The following BRD1 variants were observed in gnomAD, a reference collection of about 807,000 sequenced individuals.
BRD1 encodes the protein bromodomain containing 1.
BRD1 carries 24 observed loss-of-function variants against 107.7 expected under a neutral mutation model. The ratio of observed to expected loss-of-function variants is 0.22; its 90% CI spans 0.16 to 0.31. The LOEUF (loss-of-function observed/expected upper bound fraction) is 0.31, where lower values mean the gene tolerates loss of function less well. BRD1 is among the 10% of genes least tolerant of loss of function. The pLI is 1.00. For missense variants in BRD1, 1,279 were observed against 1,638.6 expected (o/e 0.78, Z 3.79); for synonymous variants, 744 against 686.1 (o/e 1.08, Z -1.32).
At chr22:49,810,593 T>C (rs1375863364) in intron 2 of BRD1, among the ~76,000 whole-genome samples, 1 of 152,204 alleles carries the variant, frequency 6.6e-6, no homozygotes, top group East Asian at 1.9e-4. Context: ...ATAGGGAGTC[T>C]AGTACCCAGA....
chr22:49,794,190 C>A lies in BRD1; in HGVS notation c.2203G>T (p.Gly735Cys), dbSNP rs764309578. 16 of 1,614,098 alleles carry A rather than the reference C, an allele frequency of 9.9e-6. No individual in the cohort carries two copies. The East Asian group carries it at 3.6e-4, about 36-fold the overall frequency. Reference protein sequence around the residue: ...LDLTCAMKSSGSRSKRAKLLK... With the variant: ...LDLTCAMKSSCSRSKRAKLLK... The stretch of plus-strand genomic sequence containing the variant: ...AGCTTTGCCCGCTTGCTCCGGGAGC[C>A]GCTGGACTTCATAGCGCAGGTGAGG... The change falls in exon 7 of 13, where the codon GGC becomes TGC. Residue 735 changes from glycine (G) to cysteine (C), a missense_variant. Transcript: ENST00000404760.
At chr22:49,807,121 A>T (rs1484707220) in intron 2 of BRD1, 1 of 152,342 alleles carries the variant, frequency 6.6e-6, no homozygotes, top group Non-Finnish European at 1.5e-5. Flanking sequence ...GCTGACACAT[A>T]AATACTTTAC....
chr22:49,796,375 G>A (rs532825564), intron 6 of BRD1, among the ~76,000 whole-genome samples: 12 of 141,122 alleles, frequency 8.5e-5, no homozygotes, highest in Admixed American at 2.1e-4. Flanking sequence ...TTTTTTTTTG[G>A]AGATAGGGTC....
chr22:49,815,753 A>G (rs1444324108), intron 2 of BRD1, among the ~76,000 whole-genome samples: 1 of 152,212 alleles, frequency 6.6e-6, no homozygotes, highest in Non-Finnish European at 1.5e-5. Flanking sequence ...TTCCTCATAC[A>G]GGAGAGCAGG....
intron 1 of BRD1, chr22:49,826,172 A>C: frequency 1.0e-6 from 1 of 985,380 alleles, no homozygotes; most frequent in South Asian, 4.7e-5. Context: ...CGAACCTGTC[A>C]TTTTCCCCTC....
intron 2 of BRD1, chr22:49,820,940 C>G (rs1445995373): frequency 6.6e-6 from 1 of 152,286 alleles, no homozygotes; most frequent in African/African-American, 2.4e-5. Flanking sequence ...GCAGAGACCG[C>G]GGCCAGGAAC....
Position 49,816,327 on chromosome 22 carries a change from A to G in BRD1, c.1367+6624T>C, listed in dbSNP as rs149837205. On this transcript the variant is annotated intron_variant, in intron 2 of 12. Coordinates refer to ENST00000404760, the MANE Select transcript of BRD1 (RefSeq NM_001304808.3). ...CACTTCACTCCTGCCTGGGCAACAGAGCAAGACCCCGCCTCAATTAAAAGA... is the reference window on the plus strand; with the variant it reads ...CACTTCACTCCTGCCTGGGCAACAGGGCAAGACCCCGCCTCAATTAAAAGA... Among the ~76,000 whole-genome samples, 1,406 of 152,204 alleles carry G rather than the reference A, an allele frequency of 9.2e-3. 14 individuals are homozygous for G. Among genetic ancestry groups the G allele is most frequent in the South Asian group, 0.063 (305 of 4,806 alleles).
chr22:49,786,523 C>G (rs778084507), intron 8 of BRD1, among the ~76,000 whole-genome samples: 3 of 152,320 alleles, frequency 2.0e-5, no homozygotes, highest in Middle Eastern at 3.4e-3. Flanking sequence ...GTCCTAATAC[C>G]TCATCACATA....
chr22:49,812,299 T>A (rs759588204), intron 2 of BRD1, among the ~76,000 whole-genome samples: 1 of 152,158 alleles, frequency 6.6e-6, no homozygotes, highest in Non-Finnish European at 1.5e-5. Flanking sequence ...CTACAACACA[T>A]AGCTAAAAAC....
At chr22:49,812,903 G>A (rs2059878548) in intron 2 of BRD1, among the ~76,000 whole-genome samples, 1 of 152,180 alleles carries the variant, frequency 6.6e-6, no homozygotes. Flanking sequence ...GACCTCACAC[G>A]CCAGGACCAT....
intron 2 of BRD1, among the ~76,000 whole-genome samples, chr22:49,815,435 C>T (rs1408872166): frequency 6.6e-6 from 1 of 151,758 alleles, no homozygotes; most frequent in African/African-American, 2.4e-5. Flanking sequence ...TCCGGCTATT[C>T]GGGAGGCTGA....
Position 49,775,680 on chromosome 22 carries a change from G to T in BRD1, c.3297C>A (p.Pro1099=), listed in dbSNP as rs907957374. The T allele has an allele frequency of 1.2e-6, 2 of 1,613,768 alleles. No individual in the cohort carries two copies. The highest frequency in any genetic ancestry group is 1.7e-6 in the Non-Finnish European group (2 of 1,179,852). Residue 1099 remains proline, a synonymous_variant, in exon 12 of 13, where the codon CCC becomes CCA. Coordinates refer to ENST00000404760, the MANE Select transcript of BRD1 (RefSeq NM_001304808.3). ...HHNGVTIPAP[P]LDVLKIGEHM... is the part of the protein sequence containing the mutation. ...GCTCCCCAATCTTCAGCACGTCCAG[G>T]GGTGGGGCCGGGATGGTGACGCCGT...
At position 49,823,571 on chromosome 22, in the gene BRD1, G is replaced by A; in HGVS notation, c.747C>T (p.Pro249=). The part of the protein sequence containing the change: ...LAVHQECYGV[P]YIPEGQWLCR... The stretch of plus-strand genomic sequence containing the variant: ...AGAGCCACTGGCCCTCGGGGATGTA[G>A]GGCACCCCGTAGCACTCCTGGTGCA... Residue 249 remains proline, a synonymous_variant, in exon 2 of 13, where the codon CCC becomes CCT. Coordinates refer to ENST00000404760, the MANE Select transcript of BRD1 (RefSeq NM_001304808.3). 6.2e-7 allele frequency: 1 copy of A among 1,604,114 alleles called. No individual in the cohort carries two copies. Among genetic ancestry groups the A allele is most frequent in the Non-Finnish European group, 8.5e-7 (1 of 1,174,228 alleles).
intron 3 of BRD1, 21 bp from the exon 4 acceptor site, chr22:49,799,140 C>T (rs200986220): frequency 7.0e-5 from 112 of 1,598,638 alleles, no homozygotes; most frequent in Middle Eastern, 6.6e-4. Context: ...TGAACACTTC[C>T]GTCAGTCAAA....
Position 49,777,062 on chromosome 22 carries a change from G to A in BRD1, c.3093C>T (p.Asn1031=), listed in dbSNP as rs751163081. 89 of 1,613,158 alleles carry A rather than the reference G, an allele frequency of 5.5e-5. No homozygotes were observed. Among genetic ancestry groups the A allele is most frequent in the Non-Finnish European group, 6.8e-5 (80 of 1,180,016 alleles). The change falls in exon 10 of 13, where the codon AAC becomes AAT. Residue 1031 remains asparagine, a synonymous_variant. Coordinates refer to ENST00000404760, the MANE Select transcript of BRD1 (RefSeq NM_001304808.3). ...SELISCIENG[N]YAKAARIAAE... is the part of the protein sequence containing the mutation. ...CTGCGATCCTGGCCGCCTTGGCGTA[G>A]TTCCCATTCTCGATGCAGGAGATCA...
At chr22:49,827,106 C>A (rs1479361546) in intron 1 of BRD1, among the ~76,000 whole-genome samples, 10 of 151,818 alleles carry the variant, frequency 6.6e-5, no homozygotes, top group Non-Finnish European at 1.2e-4. Context: ...ACATAAGGGG[C>A]GGCCCGGCCG....
chr22:49,775,525 G>C, intron 12 of BRD1, 66 bp downstream of exon 12: 1 of 1,298,690 alleles, frequency 7.7e-7, no homozygotes, highest in East Asian at 2.8e-5. Context: ...GGGACACTCA[G>C]GTCACCGAGC....
At position 49,797,859 on chromosome 22, in the gene BRD1, G is replaced by A; in HGVS notation, c.2044C>T (p.His682Tyr). Reference protein sequence around the residue: ...SIGLEEASGMHLPERPAAAPR... With the variant: ...SIGLEEASGMYLPERPAAAPR... ...GCCGCAGCAGGCCGCTCAGGCAGGT[G>A]CATCCCCGAGGCCTCTTCCAAGCCG... The change falls in exon 6 of 13, where the codon CAC (histidine) becomes TAC (tyrosine). Residue 682 changes from histidine to tyrosine, a missense_variant. Coordinates refer to ENST00000404760, the MANE Select transcript of BRD1 (RefSeq NM_001304808.3). 6.2e-7 allele frequency: 1 copy of A among 1,612,608 alleles called. No individual in the cohort carries two copies.
intron 7 of BRD1, among the ~76,000 whole-genome samples, chr22:49,790,006 C>T (rs1202739271): frequency 6.6e-6 from 1 of 152,248 alleles, no homozygotes; most frequent in Non-Finnish European, 1.5e-5. Flanking sequence ...CGCCCCTGGC[C>T]TCTCTGCGGC....
Sources: allele counts gnomAD v4.1 joint callset (sites outside exome capture counted in the v4.1 genomes callset), GRCh38; gene constraint gnomAD v4.1.1; transcripts MANE v1.5; gene names NCBI Gene and HGNC (gene_info 2026-07-23, HGNC 2026-07-21).